The following CACHD1 variants were observed in gnomAD, a reference collection of about 807,000 sequenced individuals.
CACHD1 encodes VWFA and cache domain-containing protein 1.
CACHD1 carries 71 observed loss-of-function variants against 138.7 expected under a neutral mutation model. The ratio of observed to expected loss-of-function variants is 0.51; its 90% CI spans 0.42 to 0.62. The LOEUF (loss-of-function observed/expected upper bound fraction) is 0.62. Ranked by LOEUF, CACHD1 falls within the 20% of genes least tolerant of loss-of-function variation. The pLI is 0.00. For synonymous variants in CACHD1, 578 were observed against 591.5 expected (o/e 0.98, Z 0.33); for missense variants, 1,389 against 1,625.3 (o/e 0.85, Z 2.50).
intron 3 of CACHD1, among the ~76,000 whole-genome samples, chr1:64,601,403 C>T (rs959178974): frequency 3.3e-5 from 5 of 152,172 alleles, no homozygotes; most frequent in South Asian, 2.1e-4. Context: ...GCAGTCTTCT[C>T]GTCTAGACAA....
chr1:64,522,670 A>AGGTGGTTGAAGGAAATAAAGG (rs1261616393), intron 1 of CACHD1, among the ~76,000 whole-genome samples: 2 of 152,156 alleles, frequency 1.3e-5, no homozygotes, highest in African/African-American at 4.8e-5. Flanking sequence ...GATACAGGGA[A>AGGTGGTTGAAGGAAATAAAGG]ACTCACTTTA....
At chr1:64,554,815 T>C (rs1274444712) in intron 2 of CACHD1, among the ~76,000 whole-genome samples, 2 of 152,320 alleles carry the variant, frequency 1.3e-5, no homozygotes, top group African/African-American at 4.8e-5. Context: ...CTACCAGCCA[T>C]GTATGACTAC....
intron 4 of CACHD1, among the ~76,000 whole-genome samples, chr1:64,611,729 C>T (rs149828459): frequency 5.4e-4 from 83 of 152,302 alleles, no homozygotes; most frequent in African/African-American, 1.9e-3. Context: ...CCAGACTTTC[C>T]CTCATCTTCC....
intron 8 of CACHD1, among the ~76,000 whole-genome samples, chr1:64,643,037 A>T (rs1476203661): frequency 4.7e-3 from 16 of 3,406 alleles, no homozygotes; most frequent in South Asian, 9.3e-3. Context: ...GACTCTGTCT[A>T]AAAAAAAAAA....
intron 2 of CACHD1, among the ~76,000 whole-genome samples, chr1:64,560,091 A>G (rs568522786): frequency 5.4e-4 from 83 of 152,334 alleles, no homozygotes; most frequent in African/African-American, 1.9e-3. Context: ...CTTTGAAAAG[A>G]TCAATAAAAT....
intron 1 of CACHD1, among the ~76,000 whole-genome samples, chr1:64,525,199 G>C (rs1646528805): frequency 6.6e-6 from 1 of 151,974 alleles, no homozygotes. Context: ...TAGAAATCTG[G>C]ACAAGAAAAG....
At chr1:64,658,996 G>C (rs189096871) in intron 13 of CACHD1, 123 bp downstream of exon 13, 1 of 821,452 alleles carries the variant, frequency 1.2e-6, no homozygotes, top group East Asian at 2.8e-5. Context: ...CAGCTGGTTT[G>C]GGGATACAAA....
intron 1 of CACHD1, among the ~76,000 whole-genome samples, chr1:64,536,329 A>G (rs1371934622): frequency 6.6e-6 from 1 of 152,140 alleles, no homozygotes; most frequent in Non-Finnish European, 1.5e-5. Context: ...TTGCTTCCAG[A>G]ACCCATGCTC....
At chr1:64,607,292 T>G (rs1407813988) in intron 4 of CACHD1, among the ~76,000 whole-genome samples, 1 of 152,000 alleles carries the variant, frequency 6.6e-6, no homozygotes, top group Non-Finnish European at 1.5e-5. Flanking sequence ...GTGAAGAAAG[T>G]GTTGCAAGAA....
At chr1:64,487,520 G>A (rs928928677) in intron 1 of CACHD1, among the ~76,000 whole-genome samples, 1 of 152,128 alleles carries the variant, frequency 6.6e-6, no homozygotes, top group Non-Finnish European at 1.5e-5. Context: ...TAGCAGAGAG[G>A]TGACACCAAT....
At chr1:64,494,735 A>G (rs1646296814) in intron 1 of CACHD1, among the ~76,000 whole-genome samples, 1 of 152,212 alleles carries the variant, frequency 6.6e-6, no homozygotes, top group Admixed American at 6.5e-5. Context: ...ATTGGTAAGT[A>G]GAACTTAAAA....
rs1298729361 is a variant in CACHD1 at position 64,629,491 on chromosome 1, C to A, written c.644+10C>A. ...ACGAACACCGCAGTAGGTATGTTGACTTGCATGCTAAAGTTTTTAATTATT... is the reference window on the plus strand; with the variant it reads ...ACGAACACCGCAGTAGGTATGTTGAATTGCATGCTAAAGTTTTTAATTATT... On this transcript the variant is annotated intron_variant, in intron 5 of 26. Transcript: ENST00000651257. 2 of 1,610,892 alleles carry A rather than the reference C, an allele frequency of 1.2e-6. No homozygotes were observed. The highest frequency in any genetic ancestry group is 1.7e-6 in the Non-Finnish European group (2 of 1,178,970).
intron 7 of CACHD1, among the ~76,000 whole-genome samples, chr1:64,640,577 G>A (rs1341457368): frequency 6.6e-6 from 1 of 151,800 alleles, no homozygotes; most frequent in Non-Finnish European, 1.5e-5. Flanking sequence ...AGTAATCTGA[G>A]GCATGAGAAT....
intron 1 of CACHD1, among the ~76,000 whole-genome samples, chr1:64,523,366 T>A (rs1570329332): frequency 7.2e-6 from 1 of 138,504 alleles, no homozygotes; most frequent in Non-Finnish European, 1.6e-5. Flanking sequence ...AGTTAAAAAA[T>A]AAGTTTTCTA....
chr1:64,472,039 G>T (rs1417553763), intron 1 of CACHD1, among the ~76,000 whole-genome samples: 1 of 152,158 alleles, frequency 6.6e-6, no homozygotes, highest in African/African-American at 2.4e-5. Context: ...TCATGGGGAT[G>T]AATGTGGTCT....
At chr1:64,500,717 T>TAAAAA (rs72436564) in intron 1 of CACHD1, among the ~76,000 whole-genome samples, 4 of 33,926 alleles carry the variant, frequency 1.2e-4, no homozygotes, top group African/African-American at 1.6e-4. Context: ...CCTTGTCTCT[T>TAAAAA]AAAAAAAAAA....
At position 64,470,760 on chromosome 1, in the gene CACHD1, G is replaced by C. The variant is rs1257392873; in HGVS notation, c.16G>C (p.Glu6Gln). 1 of 764,432 alleles carries C rather than the reference G, an allele frequency of 1.3e-6. No homozygotes were observed. The highest frequency in any genetic ancestry group is 2.0e-6 in the Non-Finnish European group (1 of 491,604). 47.4% of individuals were successfully genotyped at this position (764,432 alleles called of 1,614,324 possible). A position where few individuals can be genotyped will look rare whatever the true frequency, so the allele number is the denominator to read the frequency against. Residue 6 changes from glutamate to glutamine, a missense_variant, in exon 1 of 27, where the codon GAG becomes CAG. This residue lies in a region of CACHD1 where 1,000 missense variants were observed against 1,114.7 expected (regional missense o/e 0.90). Coordinates refer to ENST00000651257, the MANE Select transcript of CACHD1 (RefSeq NM_020925.4). The surrounding 1 kb of genome is among the most constrained non-coding windows in gnomAD (Gnocchi z 5.2). MARQPEEEETAVARAR... is the reference protein window; with the variant it reads MARQPQEEETAVARAR... Reference sequence around the variant, plus strand: ...GGGAGGCAGCATGGCCCGCCAGCCGGAGGAAGAGGAGACGGCCGTGGCCCG... The same window carrying C: ...GGGAGGCAGCATGGCCCGCCAGCCGCAGGAAGAGGAGACGGCCGTGGCCCG...
In CACHD1 at chr1:64,654,224, T is replaced by C. The variant is rs116145216; in HGVS notation, c.1664+343T>C. Among the ~76,000 whole-genome samples, 960 of 152,344 alleles carry C rather than the reference T, an allele frequency of 6.3e-3. 6 individuals carry two copies. Among genetic ancestry groups the C allele is most frequent in the African/African-American group, 0.022 (919 of 41,584 alleles). ...AATGTTGGCAAAATAAAAGGCTAAG[T>C]TGAGGACCAGCTTTGTTGCATTTGC... On this transcript the variant is annotated intron_variant, in intron 11 of 26. Transcript: ENST00000651257.
chr1:64,627,799 A>G (rs1648163166), intron 4 of CACHD1, among the ~76,000 whole-genome samples: 1 of 152,158 alleles, frequency 6.6e-6, no homozygotes, highest in Non-Finnish European at 1.5e-5. Flanking sequence ...GTGGATATTC[A>G]TTTGTGTAGG....
Sources: allele counts gnomAD v4.1 joint callset (sites outside exome capture counted in the v4.1 genomes callset), GRCh38; gene constraint gnomAD v4.1.1; regional missense constraint gnomAD v4.1.1; non-coding constraint Gnocchi (gnomAD v3.1); transcripts MANE v1.5; gene names NCBI Gene and HGNC (gene_info 2026-07-23, HGNC 2026-07-21).